The following MFRP variants were observed in gnomAD, a reference collection of about 807,000 sequenced individuals.
MFRP encodes membrane frizzled-related protein.
A neutral mutation model predicts 65.8 loss-of-function variants in MFRP; 74 were observed. That is an observed-to-expected ratio of 1.12 (90% CI 0.93 to 1.36). The LOEUF is 1.36. Ranked by LOEUF, MFRP falls within the 40% of genes most tolerant of loss-of-function variation. MFRP has a pLI of 0.00. For synonymous variants in MFRP, 336 were observed against 288.3 expected (o/e 1.17, Z -1.68); for missense variants, 838 against 736.0 (o/e 1.14, Z -1.60).
At chr11:119,343,729 G>T in intron 9 of MFRP, 87 bp downstream of exon 9, 2 of 1,535,242 alleles carry the variant, frequency 1.3e-6, no homozygotes, top group Non-Finnish European at 1.8e-6. Context: ...TGAAGCTGGA[G>T]AATGGAATGT....
Position 119,344,700 on chromosome 11 carries a change from GAGTC to G in MFRP, c.826_829del (p.Asp276GlnfsTer29), listed in dbSNP as rs770957636. On this transcript the variant is annotated frameshift_variant, in exon 7 of 15. Transcript: ENST00000619721. LOFTEE classifies it high-confidence loss of function. Reference sequence around the variant, plus strand: ...ACAGTTGGCAAAACCATCACACACTGAGTCAGGTAGCAGGCAGATGAGCTGGTCA... The same window carrying G: ...ACAGTTGGCAAAACCATCACACACTGAGGTAGCAGGCAGATGAGCTGGTCA... 2 of 1,613,974 alleles carry G rather than the reference GAGTC, an allele frequency of 1.2e-6. No individual in the cohort carries two copies. Among genetic ancestry groups the G allele is most frequent in the African/African-American group, 2.7e-5 (2 of 74,944 alleles).
chr11:119,344,837 A>C lies in MFRP; in HGVS notation c.772+37T>G, dbSNP rs375640479. On this transcript the variant is annotated intron_variant, in intron 6 of 14. Coordinates refer to ENST00000619721, the MANE Select transcript of MFRP (RefSeq NM_031433.4). ...GACTGGGAGTGGGTGGAGGGGAAGA[A>C]AGTGGACACTCAACAGGCAGGTGGG... 2.5e-6 allele frequency: 4 copies of C among 1,613,358 alleles called. No homozygotes were observed. In the African/African-American group the frequency reaches 5.3e-5, roughly 22 times the overall value.
chr11:119,344,506 G>A, intron 7 of MFRP, 115 bp from the exon 8 acceptor site: 4 of 1,579,804 alleles, frequency 2.5e-6, no homozygotes, highest in Non-Finnish European at 3.5e-6. Flanking sequence ...ACAAGTTCTG[G>A]GCCAAAGAAT....
In MFRP at chr11:119,344,766, G is replaced by A. The variant is rs187321874; in HGVS notation, c.773-9C>T. The A allele has an allele frequency of 2.4e-3, 3,850 of 1,613,942 alleles. 18 individuals are homozygous for A. Among genetic ancestry groups the A allele is most frequent in the Middle Eastern group, 7.8e-3 (47 of 6,062 alleles). ...ATCATGGGCACAGCTCCCTGGATGT[G>A]GGCACCAGGAGTCAGGGAGGCCCGG... On this transcript the variant is annotated splice_polypyrimidine_tract_variant and intron_variant, in intron 6 of 14. Coordinates refer to ENST00000619721, the MANE Select transcript of MFRP (RefSeq NM_031433.4).
chr11:119,339,831 C>T lies in MFRP; in HGVS notation c.*1128G>A. 1 of 1,506,412 alleles carries T rather than the reference C, an allele frequency of 6.6e-7. No individual in the cohort carries two copies. 93.3% of individuals were successfully genotyped at this position (1,506,412 alleles called of 1,614,324 possible). A position where few individuals can be genotyped will look rare whatever the true frequency, so the allele number is the denominator to read the frequency against. ...GCCTCTCCTCGCGGCCCGGGGTCCC[C>T]TCGAGGTCCCGGCAGTCCTGCGGGG... On this transcript the variant is annotated 3_prime_UTR_variant, in exon 15 of 15. Transcript: ENST00000619721. This position sits in a 1 kb window ranked among gnomAD's most constrained non-coding sequence, Gnocchi z 5.4.
Position 119,344,000 on chromosome 11 carries a change from C to T in MFRP, c.976-36G>A, listed in dbSNP as rs45575342. On this transcript the variant is annotated intron_variant, in intron 8 of 14. Coordinates refer to ENST00000619721, the MANE Select transcript of MFRP (RefSeq NM_031433.4). ...GCATAGGTGGAGCAATTCATGGCCC[C>T]TTCTCCTGTCTCATCCCGGGCACCC... The T allele has an allele frequency of 4.4e-3, 7,030 of 1,608,862 alleles. 39 individuals are homozygous for T. The highest frequency in any genetic ancestry group is 0.012 in the Middle Eastern group (75 of 6,056).
At chr11:119,343,262 G>A (rs1286087038) in intron 9 of MFRP, among the ~76,000 whole-genome samples, 1 of 152,244 alleles carries the variant, frequency 6.6e-6, no homozygotes, top group Non-Finnish European at 1.5e-5. Flanking sequence ...TGTAATCCCA[G>A]CATTTTGGGA....
intron 8 of MFRP, 63 bp from the exon 9 acceptor site, chr11:119,344,027 G>A: frequency 6.2e-7 from 1 of 1,602,372 alleles, no homozygotes; most frequent in Non-Finnish European, 8.5e-7. Flanking sequence ...CGGGCACCCA[G>A]AAGGGTCTTC....
intron 1 of MFRP, 33 bp from the exon 2 acceptor site, chr11:119,346,407 A>G (rs201615291): frequency 4.2e-5 from 68 of 1,613,348 alleles, no homozygotes; most frequent in Non-Finnish European, 3.4e-6. Context: ...GGCTGAGGGC[A>G]GCAGTGACCA....
At chr11:119,342,481 C>T in intron 11 of MFRP, 115 bp downstream of exon 11, 2 of 1,398,524 alleles carry the variant, frequency 1.4e-6, no homozygotes, top group Non-Finnish European at 1.9e-6. Context: ...GATGGTGAGG[C>T]CAGCTGGCCC....
intron 5 of MFRP, 121 bp downstream of exon 5, chr11:119,345,299 C>T (rs1388319994): frequency 5.8e-6 from 6 of 1,035,026 alleles, no homozygotes; most frequent in African/African-American, 3.2e-5. Flanking sequence ...CAGAGCTGGG[C>T]CCAGAGGTCT....
In MFRP at chr11:119,344,683, C is replaced by T; in HGVS notation, c.847G>A (p.Ala283Thr). The T allele has an allele frequency of 6.2e-7, 1 of 1,614,040 alleles. No individual in the cohort carries two copies. Among genetic ancestry groups the T allele is most frequent in the Non-Finnish European group, 8.5e-7 (1 of 1,180,028 alleles). The change falls in exon 7 of 15, where the codon GCC becomes ACC. Residue 283 changes from alanine (A) to threonine (T), a missense_variant. Physicochemically the swap from Ala to Thr is moderately conservative, Grantham distance 58. Coordinates refer to ENST00000619721, the MANE Select transcript of MFRP (RefSeq NM_031433.4). Reference protein sequence around the residue: ...LLPDSVCDGFANCADGSDETN... With the variant: ...LLPDSVCDGFTNCADGSDETN... ...TCATCACTGCCGTCAGCACAGTTGG[C>T]AAAACCATCACACACTGAGTCAGGT...
chr11:119,346,586 A>C lies in MFRP; in HGVS notation c.-73T>G. The C allele has an allele frequency of 6.7e-7, 1 of 1,495,610 alleles. No individual in the cohort carries two copies. Among genetic ancestry groups the C allele is most frequent in the Non-Finnish European group, 9.3e-7 (1 of 1,074,040 alleles). 92.6% of individuals were successfully genotyped at this position (1,495,610 alleles called of 1,614,324 possible). On this transcript the variant is annotated 5_prime_UTR_variant, in exon 1 of 15. Coordinates refer to ENST00000619721, the MANE Select transcript of MFRP (RefSeq NM_031433.4). Reference sequence around the variant, plus strand: ...ACCCCCAAGGGCCCACTCGCTGACCACAAACTCCCTGTCAGAGGGGCAGCC... The same window carrying C: ...ACCCCCAAGGGCCCACTCGCTGACCCCAAACTCCCTGTCAGAGGGGCAGCC...
In MFRP at chr11:119,340,453, C is replaced by T. The variant is rs886047821; in HGVS notation, c.*854-13G>A. On this transcript the variant is annotated splice_polypyrimidine_tract_variant and intron_variant, in intron 13 of 14. Coordinates refer to ENST00000619721, the MANE Select transcript of MFRP (RefSeq NM_031433.4). ...GTCCTCTCGCAGTCTGTGGACCAGGCAGGACTGGAGTCGGGACCCAGAATC... is the reference window on the plus strand; with the variant it reads ...GTCCTCTCGCAGTCTGTGGACCAGGTAGGACTGGAGTCGGGACCCAGAATC... The T allele has an allele frequency of 6.6e-7, 1 of 1,513,150 alleles. No homozygotes were observed. Among genetic ancestry groups the T allele is most frequent in the African/African-American group, 1.4e-5 (1 of 71,976 alleles). 93.7% of individuals were successfully genotyped at this position (1,513,150 alleles called of 1,614,324 possible).
At position 119,344,641 on chromosome 11, in the gene MFRP, T is replaced by C; in HGVS notation, c.889A>G (p.Lys297Glu). Residue 297 changes from lysine (K) to glutamate (E), a missense_variant, in exon 7 of 15, where the codon AAG becomes GAG. Transcript: ENST00000619721. ...DGSDETNCSA[K>E]FSGCGGNLTG... ...CATGCCTGGCCCGTACCCGAGAACT[T>C]GGCACTGCAATTGGTCTCATCACTG... The C allele has an allele frequency of 6.2e-7, 1 of 1,613,936 alleles. No individual in the cohort carries two copies. Among genetic ancestry groups the C allele is most frequent in the South Asian group, 1.1e-5 (1 of 91,072 alleles).
In MFRP at chr11:119,340,281, G is replaced by T. The variant is rs1444756477; in HGVS notation, c.*1013C>A. On this transcript the variant is annotated 3_prime_UTR_variant, in exon 14 of 15. Transcript: ENST00000619721. ...CCGGCAAGCCCTGGCTGCCATGGTGGCCCGGCGTGCCTGGAAGGCCGGGGT... is the reference window on the plus strand; with the variant it reads ...CCGGCAAGCCCTGGCTGCCATGGTGTCCCGGCGTGCCTGGAAGGCCGGGGT... The T allele has an allele frequency of 1.3e-6, 2 of 1,530,594 alleles. No individual in the cohort carries two copies. The highest frequency in any genetic ancestry group is 2.6e-5 in the East Asian group (1 of 38,594). 94.8% of individuals were successfully genotyped at this position (1,530,594 alleles called of 1,614,324 possible). A position where few individuals can be genotyped will look rare whatever the true frequency, so the allele number is the denominator to read the frequency against.
At position 119,341,770 on chromosome 11, in the gene MFRP, G is replaced by T; in HGVS notation, c.1518C>A (p.Ser506Arg). ...GCTGGTAGCAGGGCAGGCTTGTCAG[G>T]CTCTGCGGAGGGAGAGTGGCCTTCA... ...EVVEVLSGYK[S>R]LTSLPCYQHF... Residue 506 changes from serine to arginine, a missense_variant and splice_region_variant, in exon 13 of 15, where the codon AGC becomes AGA. Ser to Arg is a moderately radical substitution (Grantham distance 110). Transcript: ENST00000619721. The T allele has an allele frequency of 6.2e-7, 1 of 1,613,216 alleles. No homozygotes were observed. Among genetic ancestry groups the T allele is most frequent in the Non-Finnish European group, 8.5e-7 (1 of 1,179,986 alleles).
Position 119,343,918 on chromosome 11 carries a change from A to C in MFRP, c.1022T>G (p.Leu341Arg). 6.2e-7 allele frequency: 1 copy of C among 1,613,374 alleles called. No homozygotes were observed. Among genetic ancestry groups the C allele is most frequent in the African/African-American group, 1.3e-5 (1 of 74,756 alleles). ...CTCCAGGCTGAAGTTGTGGAACTGT[A>C]GTTCTATGCTGTGTCCGGCAGGCAC... ...ISVPAGHSIELQFHNFSLEAQ... is the reference protein window; with the variant it reads ...ISVPAGHSIERQFHNFSLEAQ... The change falls in exon 9 of 15, where the codon CTA becomes CGA. Residue 341 changes from leucine (L) to arginine (R), a missense_variant. By Grantham distance (102) the Leu-to-Arg change is moderately radical. Coordinates refer to ENST00000619721, the MANE Select transcript of MFRP (RefSeq NM_031433.4).
chr11:119,341,919 G>A lies in MFRP; in HGVS notation c.1453C>T (p.Pro485Ser). The change falls in exon 12 of 15, where the codon CCT (proline) becomes TCT (serine). Residue 485 changes from proline to serine, a missense_variant. Transcript: ENST00000619721. ...GTGATCATGCCCACCCAGATGTTAG[G>A]GAAGGCTGTGGTGTTGTAGCTCAGA... ...LGLSYNTTAF[P>S]NIWVGMITQE... 6.2e-7 allele frequency: 1 copy of A among 1,614,024 alleles called. No individual in the cohort carries two copies. The highest frequency in any genetic ancestry group is 2.2e-5 in the East Asian group (1 of 44,884).
Sources: gnomAD v4.1 joint callset for allele counts (sites outside exome capture counted in the v4.1 genomes callset) on GRCh38, gnomAD v4.1.1 for gene constraint, Gnocchi (gnomAD v3.1) non-coding constraint, MANE v1.5 for transcripts, NCBI Gene and HGNC (gene_info 2026-07-23, HGNC 2026-07-21) for gene names.